EPC1: variants seen among roughly 807,000 people sequenced by gnomAD.
EPC1 encodes the protein enhancer of polycomb homolog 1.
EPC1 carries 12 observed loss-of-function variants against 98.4 expected under a neutral mutation model. That is an observed-to-expected ratio of 0.12 (90% CI 0.08 to 0.20). The LOEUF (loss-of-function observed/expected upper bound fraction) is 0.20. Among genes scored for constraint, EPC1 ranks in the 10% least tolerant of loss-of-function variants. The pLI, the probability that EPC1 is intolerant of heterozygous loss-of-function variation, is 1.00. For missense variants in EPC1, 729 were observed against 990.5 expected (o/e 0.74, Z 3.54); for synonymous variants, 357 against 363.9 (o/e 0.98, Z 0.21).
intron 2 of EPC1, among the ~76,000 whole-genome samples, chr10:32,302,609 C>T (rs1835626937): frequency 7.2e-6 from 1 of 139,198 alleles, no homozygotes; most frequent in South Asian, 2.3e-4. Context: ...GAGACTGTAC[C>T]ACTGCACTCC....
intron 1 of EPC1, among the ~76,000 whole-genome samples, chr10:32,369,771 A>G (rs1839697536): frequency 6.6e-6 from 1 of 152,234 alleles, no homozygotes; most frequent in Admixed American, 6.5e-5. Flanking sequence ...TTATTGAAAC[A>G]TTAGAGCAAA....
At chr10:32,301,840 G>A (rs1215532447) in intron 2 of EPC1, among the ~76,000 whole-genome samples, 1 of 151,724 alleles carries the variant, frequency 6.6e-6, no homozygotes, top group Non-Finnish European at 1.5e-5. Flanking sequence ...CATAGGAAAG[G>A]CAAAGAGCCC....
chr10:32,305,809 C>T lies in EPC1; in HGVS notation c.276G>A (p.Gly92=), dbSNP rs755165876. The change falls in exon 2 of 14, where the codon GGG becomes GGA. Residue 92 remains glycine (G), a synonymous_variant. Transcript: ENST00000319778. ...TGAGCTGCTTTGGCATCTTAAATTCCCCAGGATATATAGACTCATAGTAAG... is the reference window on the plus strand; with the variant it reads ...TGAGCTGCTTTGGCATCTTAAATTCTCCAGGATATATAGACTCATAGTAAG... The part of the protein sequence containing the change: ...NIAYYESIYP[G]EFKMPKQLIH... 1 of 1,606,730 alleles carries T rather than the reference C, an allele frequency of 6.2e-7. No homozygotes were observed. The highest frequency in any genetic ancestry group is 1.7e-5 in the Admixed American group (1 of 58,662).
In EPC1 at chr10:32,270,711, T is replaced by C. The variant is rs576118441; in HGVS notation, c.2369+843A>G. On this transcript the variant is annotated intron_variant, in intron 13 of 13. Transcript: ENST00000319778. ...ATCGCGGTGTATGCCTGTAATCCCATCTACTCAGAAGGCTGAGACAGAATC... is the reference window on the plus strand; with the variant it reads ...ATCGCGGTGTATGCCTGTAATCCCACCTACTCAGAAGGCTGAGACAGAATC... Among the ~76,000 whole-genome samples, 3 of 146,792 alleles carry C rather than the reference T, an allele frequency of 2.0e-5. No homozygotes were observed. In the South Asian group the frequency reaches 6.5e-4, roughly 32 times the overall value.
chr10:32,323,571 T>C (rs1038222705), intron 1 of EPC1, among the ~76,000 whole-genome samples: 1 of 152,214 alleles, frequency 6.6e-6, no homozygotes, highest in Non-Finnish European at 1.5e-5. Context: ...TATGATACTA[T>C]TCAACAGCAC....
chr10:32,315,142 C>A (rs1836479866), intron 1 of EPC1, among the ~76,000 whole-genome samples: 2 of 152,174 alleles, frequency 1.3e-5, no homozygotes, highest in Non-Finnish European at 2.9e-5. Flanking sequence ...GACTGTAAAT[C>A]TTTTAAGGTT....
At chr10:32,286,652 T>G in intron 9 of EPC1, 42 bp downstream of exon 9, 1 of 1,607,792 alleles carries the variant, frequency 6.2e-7, no homozygotes, top group Middle Eastern at 1.9e-4. Flanking sequence ...ATCACCCTAA[T>G]GCCTAAAATA....
intron 1 of EPC1, among the ~76,000 whole-genome samples, chr10:32,330,610 G>C (rs1450837200): frequency 6.6e-6 from 1 of 152,122 alleles, no homozygotes; most frequent in African/African-American, 2.4e-5. Flanking sequence ...AAGGTAGGCT[G>C]CTTAGTGAAA....
intron 1 of EPC1, among the ~76,000 whole-genome samples, chr10:32,365,865 G>C (rs1461838947): frequency 1.5e-5 from 2 of 134,820 alleles, no homozygotes; most frequent in Non-Finnish European, 3.1e-5. Flanking sequence ...CAGGTGCAAT[G>C]GCTCAAACAT....
intron 6 of EPC1, among the ~76,000 whole-genome samples, chr10:32,288,827 T>A (rs1363515500): frequency 6.6e-6 from 1 of 151,728 alleles, no homozygotes; most frequent in African/African-American, 2.4e-5. Context: ...GGGTGGCTCA[T>A]GCCTGTAATC....
chr10:32,293,582 G>T lies in EPC1; in HGVS notation c.459+10C>A. 2.5e-6 allele frequency: 4 copies of T among 1,610,644 alleles called. No individual in the cohort carries two copies. The highest frequency in any genetic ancestry group is 3.4e-6 in the Non-Finnish European group (4 of 1,178,560). ...ATGTATATACTTGTTATATACAAAT[G>T]AAGTTGTACCTGCTGACCACTGCCT... is the stretch of plus-strand genomic sequence containing the variant. On this transcript the variant is annotated intron_variant, in intron 3 of 13. Transcript: ENST00000319778.
chr10:32,363,803 G>A (rs1322693551), intron 1 of EPC1, among the ~76,000 whole-genome samples: 3 of 151,968 alleles, frequency 2.0e-5, no homozygotes, highest in Non-Finnish European at 4.4e-5. Context: ...CGATAACTGT[G>A]CTTTTCCAAA....
At chr10:32,278,376 TTTTTTTTTG>T (rs1324564546) in intron 10 of EPC1, among the ~76,000 whole-genome samples, 3 of 91,124 alleles carry the variant, frequency 3.3e-5, no homozygotes, top group South Asian at 4.3e-4. Flanking sequence ...TTTTTGTTTT[TTTTTTTTTG>T]TTTTTTTTTT....
intron 1 of EPC1, among the ~76,000 whole-genome samples, chr10:32,329,104 G>T (rs1366680498): frequency 6.6e-6 from 1 of 152,170 alleles, no homozygotes; most frequent in East Asian, 1.9e-4. Context: ...TGACAAGATT[G>T]TACCTCCTGG....
chr10:32,350,291 G>A (rs1027875890), upstream of EPC1, among the ~76,000 whole-genome samples: 24 of 152,298 alleles, frequency 1.6e-4, no homozygotes, highest in Admixed American at 1.5e-3. Flanking sequence ...ATAAAACACT[G>A]GTAAATGGAT....
chr10:32,374,907 A>G (rs1839841104), intron 1 of EPC1, among the ~76,000 whole-genome samples: 1 of 152,170 alleles, frequency 6.6e-6, no homozygotes, highest in Admixed American at 6.5e-5. Flanking sequence ...ATGTTGAACA[A>G]ATCAATTATA....
chr10:32,348,384 TACAA>T (rs1346334338), upstream of EPC1, among the ~76,000 whole-genome samples: 1 of 152,130 alleles, frequency 6.6e-6, no homozygotes, highest in Non-Finnish European at 1.5e-5. Flanking sequence ...TGCAACAAGA[TACAA>T]AAAGATACAA....
upstream of EPC1, among the ~76,000 whole-genome samples, chr10:32,348,653 C>G (rs1339161734): frequency 1.3e-5 from 2 of 152,236 alleles, no homozygotes; most frequent in African/African-American, 2.4e-5. Context: ...ATTTCCTACA[C>G]AGAGACCGTG....
At chr10:32,290,505 A>AAAAAG (rs1554819136) in intron 6 of EPC1, among the ~76,000 whole-genome samples, 114 of 77,514 alleles carry the variant, frequency 1.5e-3, no homozygotes, top group African/African-American at 5.1e-3. Flanking sequence ...AAAAAAAAAA[A>AAAAAG]AAAGAAAGAA....
Sources: allele counts gnomAD v4.1 joint callset (sites outside exome capture counted in the v4.1 genomes callset), GRCh38; gene constraint gnomAD v4.1.1; transcripts MANE v1.5; gene names NCBI Gene and HGNC (gene_info 2026-07-23, HGNC 2026-07-21).